Variants in FCRL5 observed in about 807,000 individuals in gnomAD.
FCRL5 encodes Fc receptor-like protein 5.
In FCRL5, 79 loss-of-function variants were observed where a neutral mutation model predicts 92.1. The ratio of observed to expected loss-of-function variants is 0.86; its 90% CI spans 0.72 to 1.03. The LOEUF (loss-of-function observed/expected upper bound fraction) is 1.03. Ranked by LOEUF, FCRL5 falls within the 50% of genes least tolerant of loss-of-function variation. The probability of loss-of-function intolerance (pLI) is 0.00; values close to 1 mark genes in which losing one functional copy is unlikely to be tolerated. For missense variants in FCRL5, 1,160 were observed against 1,181.1 expected (o/e 0.98, Z 0.26); for synonymous variants, 466 against 469.3 (o/e 0.99, Z 0.09).
chr1:157,513,913 C>T lies in FCRL5; in HGVS notation c.*1762G>A, dbSNP rs1228821600. The T allele has an allele frequency of 6.6e-6, 1 of 152,174 alleles. No individual in the cohort carries two copies. The allele number at this position is 152,174 out of a possible 1,614,324, so 9.4% of individuals were successfully genotyped here. On this transcript the variant is annotated 3_prime_UTR_variant, in exon 17 of 17. Transcript: ENST00000361835. Reference sequence around the variant, plus strand: ...TTTCAACTAGGCCTAAAAAAGCGGCCTCGGTGGGAATGCATTTCTCTTGCT... The same window carrying T: ...TTTCAACTAGGCCTAAAAAAGCGGCTTCGGTGGGAATGCATTTCTCTTGCT...
Position 157,552,359 on chromosome 1 carries a change from G to A in FCRL5, c.4C>T (p.Leu2=), listed in dbSNP as rs1253059155. The A allele has an allele frequency of 1.9e-6, 3 of 1,614,092 alleles. No individual in the cohort carries two copies. The highest frequency in any genetic ancestry group is 3.3e-5 in the Admixed American group (2 of 60,010). ...AGGACCAGTAATATCACCCACAGCA[G>A]CATGAAGACCTGGACCACCAAGGGC... The part of the protein sequence containing the change: M[L]LWVILLVLAP... Residue 2 remains leucine, a synonymous_variant, in exon 1 of 17, where the codon CTG becomes TTG. Transcript: ENST00000361835.
intron 9 of FCRL5, among the ~76,000 whole-genome samples, chr1:157,526,455 G>A (rs1199207034): frequency 1.3e-5 from 2 of 152,106 alleles, no homozygotes; most frequent in Admixed American, 1.3e-4. Flanking sequence ...GACCAAGAGA[G>A]GGTTTTCCTT....
At chr1:157,546,909 T>G (rs764857517) in intron 3 of FCRL5, 34 bp downstream of exon 3, 1 of 1,599,592 alleles carries the variant, frequency 6.3e-7, no homozygotes, top group African/African-American at 1.3e-5. Context: ...CTGAATTGAT[T>G]TCTAAAGTTG....
At chr1:157,518,869 AG>A in intron 13 of FCRL5, 87 bp from the exon 14 acceptor site, 3 of 1,076,916 alleles carry the variant, frequency 2.8e-6, no homozygotes, top group South Asian at 1.6e-5. Context: ...TTCTTACTGC[AG>A]GGTGGCTGCC....
rs752277017 is a variant in FCRL5 at position 157,521,280 on chromosome 1, C to T, written c.2252G>A (p.Arg751His). The stretch of plus-strand genomic sequence containing the variant: ...GGGAGCCCTGAGGGTGAGGACCGGG[C>T]GAGACACCGGAACTGAAAGAGAACA... ...VTLKVAVPVS[R>H]PVLTLRAPGT... The change falls in exon 11 of 17, where the codon CGC (arginine) becomes CAC (histidine). Residue 751 changes from arginine to histidine, a missense_variant. Physicochemically the swap from Arg to His is conservative, Grantham distance 29 (BLOSUM62 0). Coordinates refer to ENST00000361835, the MANE Select transcript of FCRL5 (RefSeq NM_031281.3). 3 of 1,608,372 alleles carry T rather than the reference C, an allele frequency of 1.9e-6. No individual in the cohort carries two copies.
chr1:157,545,498 G>T (rs928927190), intron 3 of FCRL5, among the ~76,000 whole-genome samples: 3 of 148,648 alleles, frequency 2.0e-5, no homozygotes, highest in African/African-American at 7.4e-5. Context: ...TCCTTCACTG[G>T]CAGTAATGTA....
intron 9 of FCRL5, 125 bp downstream of exon 9, chr1:157,527,492 G>T (rs1650483059): frequency 6.5e-6 from 6 of 928,076 alleles, no homozygotes; most frequent in Non-Finnish European, 7.9e-6. Flanking sequence ...AGGCTGTGTA[G>T]GCACCAAGCC....
At chr1:157,530,059 T>C (rs1200740120) in intron 8 of FCRL5, among the ~76,000 whole-genome samples, 2 of 152,234 alleles carry the variant, frequency 1.3e-5, no homozygotes, top group African/African-American at 4.8e-5. Context: ...ATTTTCTTTA[T>C]TTTTTCAGAA....
chr1:157,539,421 T>C, intron 6 of FCRL5, 57 bp from the exon 7 acceptor site: 1 of 1,487,448 alleles, frequency 6.7e-7, no homozygotes, highest in Non-Finnish European at 9.0e-7. Flanking sequence ...GTAGTTTTCA[T>C]AAAAGGAAAA....
At chr1:157,547,614 G>A (rs935128492) in intron 2 of FCRL5, among the ~76,000 whole-genome samples, 9 of 152,182 alleles carry the variant, frequency 5.9e-5, no homozygotes, top group Non-Finnish European at 7.3e-5. Flanking sequence ...ATTTGTCCCT[G>A]AGAAAACCTT....
chr1:157,545,702 G>T (rs1651501947), intron 3 of FCRL5, among the ~76,000 whole-genome samples: 1 of 151,772 alleles, frequency 6.6e-6, no homozygotes, highest in African/African-American at 2.4e-5. Flanking sequence ...CTAATTTTTT[G>T]TATTTTTAGT....
chr1:157,520,403 A>C, intron 12 of FCRL5, 28 bp downstream of exon 12: 3 of 1,510,422 alleles, frequency 2.0e-6, no homozygotes, highest in Non-Finnish European at 2.7e-6. Flanking sequence ...GCATGAACTC[A>C]AGCCAAGGTG....
chr1:157,534,021 A>G (rs1472192302), intron 8 of FCRL5: 2 of 187,528 alleles, frequency 1.1e-5, no homozygotes, highest in African/African-American at 4.7e-5. Flanking sequence ...AATCGTACAC[A>G]TACAATTTGC....
rs1459538653 is a variant in FCRL5 at position 157,534,752 on chromosome 1, A to C, written c.1543T>G (p.Trp515Gly). 3.1e-6 allele frequency: 5 copies of C among 1,614,022 alleles called. No homozygotes were observed. The highest frequency in any genetic ancestry group is 1.3e-5 in the African/African-American group (1 of 74,918). The change falls in exon 8 of 17, where the codon TGG (tryptophan) becomes GGG (glycine). Residue 515 changes from tryptophan (W) to glycine (G), a missense_variant. Coordinates refer to ENST00000361835, the MANE Select transcript of FCRL5 (RefSeq NM_031281.3). ...CCCACAGAGGGTGTTGAGCTGCTCC[A>C]CAGGGGCATGTCCTCATGATAAAAC... ...YQFYHEDMPL[W>G]SSSTPSVGRV...
At chr1:157,538,738 C>G (rs143882909) in intron 7 of FCRL5, among the ~76,000 whole-genome samples, 39 of 152,328 alleles carry the variant, frequency 2.6e-4, no homozygotes, top group African/African-American at 8.7e-4. Context: ...AGAACTGAGT[C>G]TGAGTCTATA....
Position 157,521,280 on chromosome 1 carries a change from C to A in FCRL5, c.2252G>T (p.Arg751Leu), listed in dbSNP as rs752277017. Reference protein sequence around the residue: ...VTLKVAVPVSRPVLTLRAPGT... With the variant: ...VTLKVAVPVSLPVLTLRAPGT... ...GGGAGCCCTGAGGGTGAGGACCGGG[C>A]GAGACACCGGAACTGAAAGAGAACA... Residue 751 changes from arginine to leucine, a missense_variant, in exon 11 of 17, where the codon CGC becomes CTC. Coordinates refer to ENST00000361835, the MANE Select transcript of FCRL5 (RefSeq NM_031281.3). 8.1e-6 allele frequency: 13 copies of A among 1,608,254 alleles called. No homozygotes were observed. Among genetic ancestry groups the A allele is most frequent in the Middle Eastern group, 3.3e-4 (2 of 6,042 alleles).
intron 6 of FCRL5, 73 bp from the exon 7 acceptor site, chr1:157,539,437 C>G (rs1651143416): frequency 7.1e-7 from 1 of 1,405,114 alleles, no homozygotes; most frequent in South Asian, 1.5e-5. Flanking sequence ...GAAAATAAAT[C>G]TTGGGAACCC....
chr1:157,550,139 A>G (rs369159019), intron 1 of FCRL5, among the ~76,000 whole-genome samples: 1 of 152,238 alleles, frequency 6.6e-6, no homozygotes, highest in East Asian at 1.9e-4. Context: ...GAAGTGGAGA[A>G]ATGACATTGG....
intron 5 of FCRL5, among the ~76,000 whole-genome samples, chr1:157,543,969 T>C (rs1486538350): frequency 6.9e-6 from 1 of 144,504 alleles, no homozygotes; most frequent in Non-Finnish European, 1.5e-5. Context: ...CTTATCCCTA[T>C]GGGCCTAGAA....
Sources: allele counts gnomAD v4.1 joint callset (sites outside exome capture counted in the v4.1 genomes callset), GRCh38; gene constraint gnomAD v4.1.1; transcripts MANE v1.5; gene names NCBI Gene and HGNC (gene_info 2026-07-23, HGNC 2026-07-21).